Variants in TTC16 observed in about 807,000 individuals in gnomAD.
TTC16 encodes the protein tetratricopeptide repeat protein 16.
A neutral mutation model predicts 80.4 loss-of-function variants in TTC16; 66 were observed. The observed-to-expected ratio is 0.82, with a 90% confidence interval of 0.67 to 1.01. The LOEUF (loss-of-function observed/expected upper bound fraction) is 1.01. Among genes scored for constraint, TTC16 ranks in the 50% least tolerant of loss-of-function variants. The probability of loss-of-function intolerance (pLI) is 0.00; values close to 1 mark genes in which losing one functional copy is unlikely to be tolerated. For missense variants in TTC16, 1,070 were observed against 1,103.2 expected (o/e 0.97, Z 0.43); for synonymous variants, 438 against 451.3 (o/e 0.97, Z 0.37).
intron 9 of TTC16, among the ~76,000 whole-genome samples, chr9:127,725,382 G>A (rs955837280): frequency 6.6e-6 from 1 of 150,746 alleles, no homozygotes; most frequent in Admixed American, 6.6e-5. Context: ...GGCTAACCTG[G>A]TGAAACCCCG....
At position 127,722,452 on chromosome 9, in the gene TTC16, G is replaced by A. The variant is rs894735073; in HGVS notation, c.658-667G>A. 1.3e-5 allele frequency among the ~76,000 whole-genome samples: 2 copies of A among 152,162 alleles called. No individual in the cohort carries two copies. Among genetic ancestry groups the A allele is most frequent in the African/African-American group, 4.8e-5 (2 of 41,440 alleles). On this transcript the variant is annotated intron_variant, in intron 6 of 13. Coordinates refer to ENST00000373289, the MANE Select transcript of TTC16 (RefSeq NM_144965.3). The surrounding 1 kb of genome is among the most constrained non-coding windows in gnomAD (Gnocchi z 4.2). The stretch of plus-strand genomic sequence containing the variant: ...AAGGTCAGGGAGGAGAAGAGGGAGT[G>A]CAGGGGAGGGGAGGGAGGACACAAC...
chr9:127,730,526 G>A, intron 13 of TTC16, 110 bp from the exon 14 acceptor site: 1 of 1,477,312 alleles, frequency 6.8e-7, no homozygotes, highest in East Asian at 2.3e-5. Flanking sequence ...CTTTGGTGAT[G>A]CGAAGCCTCT....
In TTC16 at chr9:127,724,757, T is replaced by C. The variant is rs1183494943; in HGVS notation, c.1119T>C (p.Asp373=). ...QEKGLYINRG[D]CFFQLGNLAF... is the part of the protein sequence containing the mutation. Reference sequence around the variant, plus strand: ...CTCACCCCCGCCTCCGGACCCTAGATTGCTTCTTCCAGCTGGGCAACCTGG... The same window carrying C: ...CTCACCCCCGCCTCCGGACCCTAGACTGCTTCTTCCAGCTGGGCAACCTGG... The change falls in exon 9 of 14, where the codon GAT becomes GAC. Residue 373 remains aspartate (D), a splice_region_variant and synonymous_variant. Transcript: ENST00000373289. 6.2e-7 allele frequency: 1 copy of C among 1,609,392 alleles called. No individual in the cohort carries two copies. The highest frequency in any genetic ancestry group is 1.1e-5 in the South Asian group (1 of 90,586).
Position 127,726,962 on chromosome 9 carries a change from C to T in TTC16, c.1426-8C>T, listed in dbSNP as rs200000970. On this transcript the variant is annotated splice_region_variant and splice_polypyrimidine_tract_variant and intron_variant, in intron 10 of 13. Coordinates refer to ENST00000373289, the MANE Select transcript of TTC16 (RefSeq NM_144965.3). ...TCACCTGGCTCTGGTCACCCCCTTT[C>T]GTGGCAGCTGTCCCTGCTGATGACC... The T allele has an allele frequency of 5.6e-5, 90 of 1,613,186 alleles. No homozygotes were observed. The highest frequency in any genetic ancestry group is 7.7e-5 in the South Asian group (7 of 91,088).
chr9:127,717,261 C>T, intron 2 of TTC16, 73 bp from the exon 3 acceptor site: 1 of 1,486,900 alleles, frequency 6.7e-7, no homozygotes, highest in Admixed American at 1.7e-5. Context: ...CCCACAACCC[C>T]CACCCCAGCC....
rs537881 is a variant in TTC16, at chr9:127,723,339, G to A, written c.872+6G>A. On this transcript the variant is annotated splice_donor_region_variant and intron_variant, in intron 7 of 13. Coordinates refer to ENST00000373289, the MANE Select transcript of TTC16 (RefSeq NM_144965.3). ...CCCAGTCTCTTCCTCTTCCGGTACTGCATGGGAAGGTGCTGGCCTTGGGTC... is the reference window on the plus strand; with the variant it reads ...CCCAGTCTCTTCCTCTTCCGGTACTACATGGGAAGGTGCTGGCCTTGGGTC... The A allele has an allele frequency of 0.56, 894,357 of 1,609,318 alleles. 251,221 individuals carry two copies. Among genetic ancestry groups the A allele is most frequent in the Middle Eastern group, 0.64 (3,868 of 6,050 alleles).
chr9:127,720,491 C>A, intron 6 of TTC16, 96 bp downstream of exon 6: 1 of 1,516,164 alleles, frequency 6.6e-7, no homozygotes, highest in Non-Finnish European at 9.0e-7. Flanking sequence ...TCAGCCAGCC[C>A]AGAAGCCCCA....
rs1843566752 is a variant in TTC16 at position 127,722,206 on chromosome 9, CT to C, written c.658-912del. On this transcript the variant is annotated intron_variant, in intron 6 of 13. Coordinates refer to ENST00000373289, the MANE Select transcript of TTC16 (RefSeq NM_144965.3). This position sits in a 1 kb window ranked among gnomAD's most constrained non-coding sequence, Gnocchi z 4.2. ...GGCTGCTTATGCCGAAGCCCTGCCCCTAGCTCCTGCCATTTCCCTCCCTCCC... is the reference window on the plus strand; with the variant it reads ...GGCTGCTTATGCCGAAGCCCTGCCCCAGCTCCTGCCATTTCCCTCCCTCCC... Among the ~76,000 whole-genome samples, 2 of 152,162 alleles carry C rather than the reference CT, an allele frequency of 1.3e-5. No homozygotes were observed. Among genetic ancestry groups the C allele is most frequent in the African/African-American group, 4.8e-5 (2 of 41,444 alleles).
chr9:127,719,895 C>T (rs1287993013), intron 4 of TTC16, among the ~76,000 whole-genome samples, 183 bp from the exon 5 acceptor site: 2 of 152,170 alleles, frequency 1.3e-5, no homozygotes, highest in African/African-American at 4.8e-5. Flanking sequence ...GCTGTCTTTC[C>T]CCAGATCTGT....
Position 127,722,905 on chromosome 9 carries a change from T to C in TTC16, c.658-214T>C, listed in dbSNP as rs1336226520. Among the ~76,000 whole-genome samples, 1 of 151,060 alleles carries C rather than the reference T, an allele frequency of 6.6e-6. No individual in the cohort carries two copies. The highest frequency in any genetic ancestry group is 1.5e-5 in the Non-Finnish European group (1 of 67,782). On this transcript the variant is annotated intron_variant, in intron 6 of 13. Coordinates refer to ENST00000373289, the MANE Select transcript of TTC16 (RefSeq NM_144965.3). The surrounding 1 kb of genome is among the most constrained non-coding windows in gnomAD (Gnocchi z 4.2). ...ATCGCTTGAACCCGGGAGGCAGAGG[T>C]TGCAGTGAGCCAAGACCACGCCATT... is the stretch of plus-strand genomic sequence containing the variant.
rs372374435 is a variant in TTC16, at chr9:127,717,431, G to T, written c.282+7G>T. On this transcript the variant is annotated splice_region_variant and intron_variant, in intron 3 of 13. Coordinates refer to ENST00000373289, the MANE Select transcript of TTC16 (RefSeq NM_144965.3). Reference sequence around the variant, plus strand: ...CCACCTGGACCCACAGCTGGTGAGAGGCAGACCTGGGTGGGCACAGGCAGT... The same window carrying T: ...CCACCTGGACCCACAGCTGGTGAGATGCAGACCTGGGTGGGCACAGGCAGT... 3 of 1,609,474 alleles carry T rather than the reference G, an allele frequency of 1.9e-6. No individual in the cohort carries two copies. In the African/African-American group the frequency reaches 4.0e-5, roughly 21 times the overall value.
chr9:127,728,467 T>C (rs1054482950), intron 12 of TTC16: 1 of 152,226 alleles, frequency 6.6e-6, no homozygotes, highest in African/African-American at 2.4e-5. Flanking sequence ...CTTGAAGCAA[T>C]TGAAGTAGAG....
rs143100425 is a variant in TTC16 at position 127,723,175 on chromosome 9, G to T, written c.714G>T (p.Pro238=). Residue 238 remains proline (P), a synonymous_variant, in exon 7 of 14, where the codon CCG becomes CCT. Coordinates refer to ENST00000373289, the MANE Select transcript of TTC16 (RefSeq NM_144965.3). ...CCTTGCTGTTGAATCCCAAGCACCC[G>T]CAGGCCAGGATGCTGCTCCAGAAGA... ...HSALLLNPKH[P]QARMLLQKMV... 67 of 1,612,640 alleles carry T rather than the reference G, an allele frequency of 4.2e-5. No individual in the cohort carries two copies. The highest frequency in any genetic ancestry group is 5.3e-5 in the Non-Finnish European group (63 of 1,180,008).
In TTC16 at chr9:127,717,737, CA is replaced by C. The variant is rs1261008503; in HGVS notation, c.392del (p.His131ProfsTer26). On this transcript the variant is annotated frameshift_variant, in exon 4 of 14. Coordinates refer to ENST00000373289, the MANE Select transcript of TTC16 (RefSeq NM_144965.3). LOFTEE classifies it high-confidence loss of function. ...AYSLQQDNCKHLERLTFVLYL... is the reference protein window; with the variant it reads ...AYSLQQDNCKXLERLTFVLYL... Reference sequence around the variant, plus strand: ...CTCATTACAGCAGGACAACTGCAAGCACCTGGAGCGCCTCACCTTTGTGCTC... The same window carrying C: ...CTCATTACAGCAGGACAACTGCAAGCCCTGGAGCGCCTCACCTTTGTGCTC... 6.2e-7 allele frequency: 1 copy of C among 1,613,844 alleles called. No individual in the cohort carries two copies. Among genetic ancestry groups the C allele is most frequent in the African/African-American group, 1.3e-5 (1 of 75,072 alleles).
At chr9:127,726,071 G>T (rs1232810901) in intron 9 of TTC16, among the ~76,000 whole-genome samples, 168 bp from the exon 10 acceptor site, 1 of 152,212 alleles carries the variant, frequency 6.6e-6, no homozygotes, top group Non-Finnish European at 1.5e-5. Context: ...TGGCATCGAA[G>T]TGTTGGCTTC....
In TTC16 at chr9:127,730,651, C is replaced by T. The variant is rs765136090; in HGVS notation, c.1868C>T (p.Thr623Ile). The T allele has an allele frequency of 1.6e-5, 26 of 1,612,554 alleles. No homozygotes were observed. The highest frequency in any genetic ancestry group is 2.1e-5 in the Non-Finnish European group (25 of 1,179,972). ...ASSMSFRTTG[T>I]SETEMSAICQ... is the part of the protein sequence containing the mutation. ...CCCTTCCTAGTCAGGACCACAGGCA[C>T]CTCAGAGACTGAGATGTCGGCTATC... The change falls in exon 14 of 14, where the codon ACC becomes ATC. Residue 623 changes from threonine to isoleucine, a missense_variant. Thr to Ile is a moderately conservative substitution (Grantham distance 89, BLOSUM62 -1). Transcript: ENST00000373289.
Position 127,724,280 on chromosome 9 carries a change from G to C in TTC16, c.1033G>C (p.Gly345Arg). ...CTTTGCCGTGCACTGCTACAGGCAG[G>C]GCGCCTACCAGGAGGGCGTGCTGCT... is the stretch of plus-strand genomic sequence containing the variant. Reference protein sequence around the residue: ...NDFAVHCYRQGAYQEGVLLLN... With the variant: ...NDFAVHCYRQRAYQEGVLLLN... The change falls in exon 8 of 14, where the codon GGC becomes CGC. Residue 345 changes from glycine (G) to arginine (R), a missense_variant. By Grantham distance (125) the Gly-to-Arg change is moderately radical. Coordinates refer to ENST00000373289, the MANE Select transcript of TTC16 (RefSeq NM_144965.3). 1.2e-6 allele frequency: 2 copies of C among 1,613,052 alleles called. No individual in the cohort carries two copies. The highest frequency in any genetic ancestry group is 1.7e-6 in the Non-Finnish European group (2 of 1,180,004).
At position 127,717,389 on chromosome 9, in the gene TTC16, CTCT is replaced by C; in HGVS notation, c.251_253del (p.Phe84del). Reference sequence around the variant, plus strand: ...GGCAGACTGGGAGACAGCTGTGCTGCTCTTCTCCCGCGCACTCCACCTGGACCC... The same window carrying C: ...GGCAGACTGGGAGACAGCTGTGCTGCTCTCCCGCGCACTCCACCTGGACCC... On this transcript the variant is annotated inframe_deletion, in exon 3 of 14. Transcript: ENST00000373289. 1.2e-6 allele frequency: 2 copies of C among 1,613,348 alleles called. No individual in the cohort carries two copies. Among genetic ancestry groups the C allele is most frequent in the Non-Finnish European group, 1.7e-6 (2 of 1,180,034 alleles).
intron 9 of TTC16, 30 bp from the exon 10 acceptor site, chr9:127,726,209 T>G: frequency 1.3e-6 from 2 of 1,531,214 alleles, no homozygotes; most frequent in Non-Finnish European, 8.8e-7. Flanking sequence ...GCCCAGCTCA[T>G]AGCAGCTTGG....
Sources: allele counts gnomAD v4.1 joint callset (sites outside exome capture counted in the v4.1 genomes callset), GRCh38; gene constraint gnomAD v4.1.1; non-coding constraint Gnocchi (gnomAD v3.1); transcripts MANE v1.5; gene names NCBI Gene and HGNC (gene_info 2026-07-23, HGNC 2026-07-21).